The following TOPAZ1 variants were observed in gnomAD, a reference collection of about 807,000 sequenced individuals.
TOPAZ1 encodes testis and ovary specific TOPAZ 1, also known as protein TOPAZ1.
A neutral mutation model predicts 172.2 loss-of-function variants in TOPAZ1; 66 were observed. That is an observed-to-expected ratio of 0.38 (90% CI 0.31 to 0.47). The LOEUF is 0.47. Ranked by LOEUF, TOPAZ1 falls within the 20% of genes least tolerant of loss-of-function variation. The pLI is 0.99. For synonymous variants in TOPAZ1, 681 were observed against 683.9 expected (o/e 1.00, Z 0.07); for missense variants, 1,822 against 1,972.4 (o/e 0.92, Z 1.44).
chr3:44,333,063 G>C (rs1477631683), downstream of TOPAZ1, among the ~76,000 whole-genome samples: 1 of 150,122 alleles, frequency 6.7e-6, no homozygotes, highest in Admixed American at 6.7e-5. Context: ...GACTCAAGCT[G>C]TCTGCCCACC....
chr3:44,270,833 A>G lies in TOPAZ1; in HGVS notation c.3372+23A>G, dbSNP rs532649044. Reference sequence around the variant, plus strand: ...AAGGTAAAACATATAAAGTCTTTAAAGTAGAGATTGTTTTAATAACTATCT... The same window carrying G: ...AAGGTAAAACATATAAAGTCTTTAAGGTAGAGATTGTTTTAATAACTATCT... On this transcript the variant is annotated intron_variant, in intron 8 of 19. Transcript: ENST00000309765. The G allele has an allele frequency of 9.8e-6, 15 of 1,528,160 alleles. No homozygotes were observed. The South Asian group carries it at 1.4e-4, about 14-fold the overall frequency. 94.7% of individuals were successfully genotyped at this position (1,528,160 alleles called of 1,614,324 possible).
rs1207668412 is a variant in TOPAZ1 at position 44,290,817 on chromosome 3, T to C, written c.3728T>C (p.Ile1243Thr). 4 of 1,550,488 alleles carry C rather than the reference T, an allele frequency of 2.6e-6. No individual in the cohort carries two copies. Among genetic ancestry groups the C allele is most frequent in the Non-Finnish European group, 2.6e-6 (3 of 1,146,676 alleles). ...CTTGACCCAGAGCACTTTAACTATA[T>C]TGTTAAGCTTTTATACCAAGTACAA... is the stretch of plus-strand genomic sequence containing the variant. ...MVLDPEHFNY[I>T]VKLLYQVQAS... The change falls in exon 12 of 20, where the codon ATT (isoleucine) becomes ACT (threonine). Residue 1243 changes from isoleucine (I) to threonine (T), a missense_variant. Transcript: ENST00000309765.
intron 15 of TOPAZ1, among the ~76,000 whole-genome samples, chr3:44,308,073 A>G (rs935559438): frequency 1.3e-5 from 2 of 152,196 alleles, no homozygotes; most frequent in African/African-American, 4.8e-5. Context: ...CCGGAGTTCA[A>G]GACCAGCCTA....
At chr3:44,250,483 ATTAC>A (rs1339520844) in intron 2 of TOPAZ1, among the ~76,000 whole-genome samples, 1 of 152,098 alleles carries the variant, frequency 6.6e-6, no homozygotes, top group Non-Finnish European at 1.5e-5. Context: ...TGCTAGATAC[ATTAC>A]TTATTTTATT....
chr3:44,268,562 C>T (rs546563354), intron 6 of TOPAZ1, among the ~76,000 whole-genome samples: 4 of 151,680 alleles, frequency 2.6e-5, no homozygotes, highest in South Asian at 4.2e-4. Flanking sequence ...TTAGTAGAGA[C>T]GAGGTTTCAC....
chr3:44,273,991 A>C (rs1255563690), intron 8 of TOPAZ1, among the ~76,000 whole-genome samples: 1 of 152,168 alleles, frequency 6.6e-6, no homozygotes, highest in Non-Finnish European at 1.5e-5. Flanking sequence ...TGATGATGAA[A>C]ATGAGAGGCC....
At chr3:44,269,818 G>A (rs1699876049) in intron 7 of TOPAZ1, among the ~76,000 whole-genome samples, 1 of 152,010 alleles carries the variant, frequency 6.6e-6, no homozygotes, top group South Asian at 2.1e-4. Context: ...TTTTAGTAGA[G>A]ATGGGGTTTC....
At chr3:44,309,618 T>G (rs1198108679) in intron 15 of TOPAZ1, among the ~76,000 whole-genome samples, 3 of 152,200 alleles carry the variant, frequency 2.0e-5, no homozygotes, top group Non-Finnish European at 1.5e-5. Flanking sequence ...GTGGTTAATA[T>G]GAGGCAGAGC....
In TOPAZ1 at chr3:44,242,053, C is replaced by T. The variant is rs1699483170; in HGVS notation, c.-1C>T. The T allele has an allele frequency of 1.9e-6, 3 of 1,543,156 alleles. No individual in the cohort carries two copies. The highest frequency in any genetic ancestry group is 1.4e-5 in the African/African-American group (1 of 72,890). ...GCCCCAGCGGGCCGGCCCCGGGGCA[C>T]ATGCGACGACCTCCACCCCTGGGCC... is the stretch of plus-strand genomic sequence containing the variant. On this transcript the variant is annotated 5_prime_UTR_variant, in exon 1 of 20. Transcript: ENST00000309765.
intron 18 of TOPAZ1, among the ~76,000 whole-genome samples, chr3:44,323,891 C>T (rs770587692): frequency 1.3e-5 from 2 of 152,174 alleles, no homozygotes; most frequent in African/African-American, 2.4e-5. Context: ...AAAGTAATTC[C>T]ATGTACGTTC....
intron 8 of TOPAZ1, among the ~76,000 whole-genome samples, chr3:44,277,625 C>T (rs1699974844): frequency 6.6e-6 from 1 of 152,106 alleles, no homozygotes; most frequent in African/African-American, 2.4e-5. Flanking sequence ...GGATATTTGT[C>T]CCTGCCCATA....
At chr3:44,303,988 A>G (rs1429789516) in intron 12 of TOPAZ1, 27 bp from the exon 13 acceptor site, 1 of 1,398,896 alleles carries the variant, frequency 7.1e-7, no homozygotes, top group South Asian at 1.3e-5. Context: ...TGAATATAGT[A>G]TAATTAACTC....
chr3:44,301,130 T>C (rs184429095), intron 12 of TOPAZ1, among the ~76,000 whole-genome samples: 42 of 151,940 alleles, frequency 2.8e-4, no homozygotes, highest in African/African-American at 1.0e-3. Context: ...ACAGGGACAG[T>C]GGAGAGGGGA....
At chr3:44,296,376 GT>G (rs1700194065) in intron 12 of TOPAZ1, among the ~76,000 whole-genome samples, 1 of 150,400 alleles carries the variant, frequency 6.6e-6, no homozygotes, top group South Asian at 2.1e-4. Context: ...ACAAAAAGCT[GT>G]TTGTTTGAAA....
intron 12 of TOPAZ1, among the ~76,000 whole-genome samples, chr3:44,303,752 G>A (rs1267160476): frequency 6.6e-6 from 1 of 151,910 alleles, no homozygotes; most frequent in African/African-American, 2.4e-5. Context: ...TTGAAGTTTT[G>A]ACATCCTCTG....
chr3:44,257,434 TA>T (rs1466058570), intron 4 of TOPAZ1, among the ~76,000 whole-genome samples: 1 of 141,832 alleles, frequency 7.1e-6, no homozygotes, highest in Non-Finnish European at 1.5e-5. Context: ...TATATATATA[TA>T]AAATGTGTGT....
chr3:44,326,412 G>T (rs1042448681), intron 18 of TOPAZ1, among the ~76,000 whole-genome samples: 1 of 152,092 alleles, frequency 6.6e-6, no homozygotes, highest in African/African-American at 2.4e-5. Context: ...TAATGATGTT[G>T]AGGACCTTTT....
intron 13 of TOPAZ1, among the ~76,000 whole-genome samples, chr3:44,304,703 G>A (rs1249768424): frequency 1.3e-5 from 2 of 152,128 alleles, no homozygotes; most frequent in Non-Finnish European, 2.9e-5. Context: ...TTTGTAGAAC[G>A]TAGTGTCCAA....
chr3:44,266,692 G>A (rs565728555), intron 5 of TOPAZ1, among the ~76,000 whole-genome samples: 1 of 152,100 alleles, frequency 6.6e-6, no homozygotes, highest in Non-Finnish European at 1.5e-5. Context: ...ATGGTGCCCT[G>A]AAACAATATC....
Sources: gnomAD v4.1 joint callset for allele counts (sites outside exome capture counted in the v4.1 genomes callset) on GRCh38, gnomAD v4.1.1 for gene constraint, MANE v1.5 for transcripts, NCBI Gene and HGNC (gene_info 2026-07-23, HGNC 2026-07-21) for gene names.